Variants in LARP1B observed in about 807,000 individuals in gnomAD.
The protein encoded by LARP1B is la-related protein 1B.
A neutral mutation model predicts 114.2 loss-of-function variants in LARP1B; 76 were observed. The observed-to-expected ratio is 0.67, with a 90% confidence interval of 0.55 to 0.81. The LOEUF is 0.81. Ranked by LOEUF, LARP1B falls within the 30% of genes least tolerant of loss-of-function variation. LARP1B has a pLI of 0.00. For synonymous variants in LARP1B, 345 were observed against 348.0 expected (o/e 0.99, Z 0.10); for missense variants, 1,014 against 1,075.8 (o/e 0.94, Z 0.80).
chr4:128,070,317 C>T (rs1213557892), intron 1 of LARP1B, among the ~76,000 whole-genome samples: 1 of 149,670 alleles, frequency 6.7e-6, no homozygotes, highest in Non-Finnish European at 1.5e-5. Context: ...GAGACTCCGT[C>T]TCAAAAAAAA....
chr4:128,067,050 C>T (rs183787369), intron 1 of LARP1B, among the ~76,000 whole-genome samples: 32 of 152,026 alleles, frequency 2.1e-4, no homozygotes, highest in African/African-American at 7.5e-4. Flanking sequence ...TCAGTTGATG[C>T]GCCCGCTTCG....
intron 9 of LARP1B, among the ~76,000 whole-genome samples, chr4:128,114,193 A>G (rs766884192): frequency 2.6e-5 from 4 of 152,320 alleles, no homozygotes; most frequent in East Asian, 3.9e-4. Context: ...TAGCTTAACT[A>G]TGGCTTAATA....
intron 3 of LARP1B, among the ~76,000 whole-genome samples, chr4:128,075,269 T>C (rs945204663): frequency 1.3e-5 from 2 of 151,906 alleles, no homozygotes; most frequent in Admixed American, 1.3e-4. Context: ...GCACAGCTAA[T>C]TTTTGTATTT....
chr4:128,069,447 A>G, intron 1 of LARP1B: 1 of 759,554 alleles, frequency 1.3e-6, no homozygotes, highest in Non-Finnish European at 2.4e-6. Context: ...AATCCTATAT[A>G]TAACATAAAC....
intron 11 of LARP1B, among the ~76,000 whole-genome samples, chr4:128,156,436 G>C (rs1343758565): frequency 1.3e-5 from 2 of 152,118 alleles, no homozygotes; most frequent in African/African-American, 2.4e-5. Flanking sequence ...CACTAAATCA[G>C]AGACAAAATA....
At chr4:128,152,306 C>T (rs372581411) in intron 11 of LARP1B, among the ~76,000 whole-genome samples, 16 of 150,418 alleles carry the variant, frequency 1.1e-4, no homozygotes, top group Admixed American at 6.6e-4. Context: ...CGGGTTCAAG[C>T]GATTCTCCTG....
chr4:128,134,715 G>A (rs966554252), intron 11 of LARP1B, among the ~76,000 whole-genome samples: 1 of 152,196 alleles, frequency 6.6e-6, no homozygotes, highest in Admixed American at 6.5e-5. Context: ...AGTATCCTGA[G>A]TATATAAAGA....
At chr4:128,222,670 A>G, downstream of LARP1B, 1 of 236,264 alleles carries the variant, frequency 4.2e-6, no homozygotes, top group South Asian at 5.3e-5. Flanking sequence ...AGTCAGTTTT[A>G]TTACAGGTAA....
At chr4:128,153,487 G>A (rs939769737) in intron 11 of LARP1B, among the ~76,000 whole-genome samples, 1 of 151,910 alleles carries the variant, frequency 6.6e-6, no homozygotes, top group African/African-American at 2.4e-5. Flanking sequence ...TGTACTTTTA[G>A]TAGAGATGGG....
At chr4:128,101,387 A>G (rs1252490416) in intron 8 of LARP1B, among the ~76,000 whole-genome samples, 1 of 151,668 alleles carries the variant, frequency 6.6e-6, no homozygotes, top group African/African-American at 2.4e-5. Context: ...AGGAGAATTG[A>G]TTTTACTATA....
At chr4:128,077,719 C>T in intron 3 of LARP1B, 69 bp from the exon 4 acceptor site, 2 of 1,428,386 alleles carry the variant, frequency 1.4e-6, no homozygotes, top group South Asian at 3.6e-5. Context: ...AGGTATATTG[C>T]CACAAATTTT....
intron 13 of LARP1B, among the ~76,000 whole-genome samples, chr4:128,177,548 G>C (rs140101761): frequency 2.0e-3 from 298 of 152,184 alleles, no homozygotes; most frequent in African/African-American, 6.3e-3. Flanking sequence ...TGAATAGCAG[G>C]CTTACAAAAG....
chr4:128,140,824 G>GTTGTGTTTTT lies in LARP1B; in HGVS notation c.1524+18638_1524+18639insGTGTTTTTTT, dbSNP rs55639320. On this transcript the variant is annotated intron_variant, in intron 11 of 19. Coordinates refer to ENST00000326639, the MANE Select transcript of LARP1B (RefSeq NM_018078.4). ...AAGTCAAGGTAGGTTAATTGTCTCT[G>GTTGTGTTTTT]TTTTTTTTTTTGGCAGAGTCTTGCT... Among the ~76,000 whole-genome samples the GTTGTGTTTTT allele has an allele frequency of 1.4e-5, 2 of 138,604 alleles. 1 individual carries two copies. The highest frequency in any genetic ancestry group is 3.1e-5 in the Non-Finnish European group (2 of 63,942). The allele number at this position is 138,604 out of a possible 152,430, so 90.9% of individuals were successfully genotyped here.
rs143680284 is a variant in LARP1B at position 128,121,612 on chromosome 4, A to G, written c.1162-214A>G. 5.2e-3 allele frequency among the ~76,000 whole-genome samples: 793 copies of G among 152,364 alleles called. 9 individuals are homozygous for G. The highest frequency in any genetic ancestry group is 0.02 in the Middle Eastern group (6 of 294). Reference sequence around the variant, plus strand: ...TATTCCAACTCTAAAAGAGTCTTTAATGTAATCCTTTCTTTATTCAACTTT... The same window carrying G: ...TATTCCAACTCTAAAAGAGTCTTTAGTGTAATCCTTTCTTTATTCAACTTT... On this transcript the variant is annotated intron_variant, in intron 10 of 19. Transcript: ENST00000326639.
At chr4:128,135,869 A>G (rs754286024) in intron 11 of LARP1B, among the ~76,000 whole-genome samples, 4 of 152,164 alleles carry the variant, frequency 2.6e-5, no homozygotes, top group Non-Finnish European at 5.9e-5. Flanking sequence ...AATATATTTA[A>G]CACTACTGAA....
chr4:128,201,851 T>G lies in LARP1B; in HGVS notation c.2309+1186T>G, dbSNP rs539566734. ...GATGGAGAGAAGGGAAAAAGATGAT[T>G]TTTCATTCAATCATATTTACCTAAA... On this transcript the variant is annotated intron_variant, in intron 17 of 19. Transcript: ENST00000326639. 3.9e-5 allele frequency among the ~76,000 whole-genome samples: 6 copies of G among 152,278 alleles called. No individual in the cohort carries two copies. In the East Asian group the frequency reaches 1.2e-3, roughly 29 times the overall value.
intron 1 of LARP1B, among the ~76,000 whole-genome samples, chr4:128,070,644 A>G (rs1764889629): frequency 6.6e-5 from 10 of 152,030 alleles, no homozygotes; most frequent in Admixed American, 6.6e-4. Context: ...CTGGGCAACG[A>G]GTGAAATTCC....
intron 11 of LARP1B, among the ~76,000 whole-genome samples, chr4:128,138,403 A>G (rs904410967): frequency 1.3e-5 from 2 of 152,354 alleles, no homozygotes; most frequent in South Asian, 2.1e-4. Context: ...TAGTGCTATG[A>G]CAATTTAAAA....
chr4:128,071,136 T>A (rs901367987), intron 1 of LARP1B, among the ~76,000 whole-genome samples: 6 of 152,162 alleles, frequency 3.9e-5, no homozygotes, highest in Middle Eastern at 6.8e-3. Flanking sequence ...AAGCTCCACC[T>A]CCTGGGTTCA....
Sources: gnomAD v4.1 joint callset for allele counts (sites outside exome capture counted in the v4.1 genomes callset) on GRCh38, gnomAD v4.1.1 for gene constraint, MANE v1.5 for transcripts, NCBI Gene and HGNC (gene_info 2026-07-23, HGNC 2026-07-21) for gene names.